Variants in SGMS1 observed in about 807,000 individuals in gnomAD.
SGMS1 encodes the protein sphingomyelin synthase 1.
A neutral mutation model predicts 46.2 loss-of-function variants in SGMS1; 13 were observed. That is an observed-to-expected ratio of 0.28 (90% CI 0.18 to 0.45). The LOEUF (loss-of-function observed/expected upper bound fraction) is 0.45, where lower values mean the gene tolerates loss of function less well. Among genes scored for constraint, SGMS1 ranks in the 20% least tolerant of loss-of-function variants. SGMS1 has a pLI of 1.00. For synonymous variants in SGMS1, 203 were observed against 187.8 expected, an observed-to-expected ratio of 1.08 and a Z score of -0.66; for missense variants, 324 against 519.9, an observed-to-expected ratio of 0.62 and a Z score of 3.66.
chr10:50,484,482 T>C (rs1372866673), intron 3 of SGMS1, among the ~76,000 whole-genome samples: 5 of 152,194 alleles, frequency 3.3e-5, no homozygotes, highest in African/African-American at 1.2e-4. Context: ...GAGGAGCTGG[T>C]AGTATTTCTT....
At chr10:50,403,133 T>C (rs1030597627) in intron 6 of SGMS1, among the ~76,000 whole-genome samples, 1 of 152,246 alleles carries the variant, frequency 6.6e-6, no homozygotes, top group African/African-American at 2.4e-5. Context: ...ATTTTTGATC[T>C]ATTATCTTAA....
intron 1 of SGMS1, among the ~76,000 whole-genome samples, chr10:50,603,336 G>A (rs1281210972): frequency 2.6e-5 from 4 of 152,236 alleles, no homozygotes; most frequent in Admixed American, 6.5e-5. Context: ...GGGCTGAACC[G>A]TGGGTAACAG....
intron 7 of SGMS1, among the ~76,000 whole-genome samples, chr10:50,341,903 T>A (rs1847827050): frequency 1.3e-5 from 2 of 152,202 alleles, no homozygotes; most frequent in African/African-American, 4.8e-5. Context: ...GAGGATACTT[T>A]ATAAGAATAA....
intron 8 of SGMS1, among the ~76,000 whole-genome samples, chr10:50,314,865 G>C (rs187695905): frequency 5.6e-4 from 85 of 152,260 alleles, no homozygotes; most frequent in African/African-American, 1.8e-3. Flanking sequence ...AGGCTACAGT[G>C]AGCTACAATC....
At chr10:50,570,844 G>C (rs1346499660) in intron 2 of SGMS1, among the ~76,000 whole-genome samples, 2 of 152,154 alleles carry the variant, frequency 1.3e-5, no homozygotes, top group Admixed American at 6.5e-5. Context: ...AGGCTGAGGT[G>C]GGGGGATCAC....
rs146133535 is a variant in SGMS1, at chr10:50,518,860, C to T, written c.-498+971G>A. On this transcript the variant is annotated intron_variant, in intron 3 of 10. Transcript: ENST00000361781. ...AATTAAAAGTATGCACTCTGTTCTC[C>T]AAAGGATATCAAAGATGTTCAATTG... is the stretch of plus-strand genomic sequence containing the variant. Among the ~76,000 whole-genome samples, 141 of 152,268 alleles carry T rather than the reference C, an allele frequency of 9.3e-4. 1 individual carries two copies. The highest frequency in any genetic ancestry group is 3.3e-3 in the African/African-American group (138 of 41,540).
intron 8 of SGMS1, among the ~76,000 whole-genome samples, chr10:50,319,226 T>C (rs1847401670): frequency 6.6e-6 from 1 of 151,414 alleles, no homozygotes; most frequent in East Asian, 2.0e-4. Flanking sequence ...TGTGAAAAAG[T>C]AGCAAGTGAG....
intron 6 of SGMS1, among the ~76,000 whole-genome samples, chr10:50,379,426 G>A (rs1848569209): frequency 8.2e-6 from 1 of 122,444 alleles, no homozygotes; most frequent in South Asian, 3.1e-4. Context: ...ACATATATGT[G>A]GGCATATACA....
chr10:50,541,540 T>G (rs1838052507), intron 2 of SGMS1, among the ~76,000 whole-genome samples: 1 of 152,204 alleles, frequency 6.6e-6, no homozygotes, highest in Admixed American at 6.5e-5. Flanking sequence ...GCCCCCTTCC[T>G]GTGTGAATGG....
At chr10:50,456,205 C>CA (rs1342076053) in intron 5 of SGMS1, among the ~76,000 whole-genome samples, 1 of 152,018 alleles carries the variant, frequency 6.6e-6, no homozygotes, top group East Asian at 1.9e-4. Context: ...TTTCTTTCAG[C>CA]AAAAATTTGT....
chr10:50,607,545 T>C (rs920766471), intron 1 of SGMS1, among the ~76,000 whole-genome samples: 2 of 152,214 alleles, frequency 1.3e-5, no homozygotes, highest in African/African-American at 4.8e-5. Flanking sequence ...AGCTCTGTTA[T>C]CTTGAAAGCC....
In SGMS1 at chr10:50,448,908, T is replaced by C. The variant is rs1837063891; in HGVS notation, c.-313+11765A>G. Among the ~76,000 whole-genome samples the C allele has an allele frequency of 6.6e-5, 10 of 152,216 alleles. No individual in the cohort carries two copies. The South Asian group carries it at 2.1e-3, about 32-fold the overall frequency. Reference sequence around the variant, plus strand: ...TTTAAAAATGGGCTGAAGACCTTAATGGAGAAATCACCAAAGAAGACTTAT... The same window carrying C: ...TTTAAAAATGGGCTGAAGACCTTAACGGAGAAATCACCAAAGAAGACTTAT... On this transcript the variant is annotated intron_variant, in intron 5 of 10. Coordinates refer to ENST00000361781, the MANE Select transcript of SGMS1 (RefSeq NM_147156.4).
intron 6 of SGMS1, among the ~76,000 whole-genome samples, chr10:50,418,752 G>T (rs1849216315): frequency 6.6e-6 from 1 of 152,164 alleles, no homozygotes; most frequent in South Asian, 2.1e-4. Flanking sequence ...GCAAAGAGGT[G>T]GGACCTGGTA....
At chr10:50,494,863 T>C (rs9416613) in intron 3 of SGMS1, among the ~76,000 whole-genome samples, 129,611 of 151,100 alleles carry the variant, frequency 0.86, 55,854 homozygotes, top group East Asian at 1. Flanking sequence ...GGTGAAACCC[T>C]GTCTCTACTA....
Position 50,403,720 on chromosome 10 carries a change from C to T in SGMS1, c.-232+29756G>A, listed in dbSNP as rs376910207. Among the ~76,000 whole-genome samples the T allele has an allele frequency of 7.3e-5, 11 of 149,776 alleles. No homozygotes were observed. In the East Asian group the frequency reaches 2.1e-3, roughly 29 times the overall value. ...CTCAATACACTGATGAAGGTTTAGGCAAATACAGAGGGGAAGGACACCAAC... is the reference window on the plus strand; with the variant it reads ...CTCAATACACTGATGAAGGTTTAGGTAAATACAGAGGGGAAGGACACCAAC... On this transcript the variant is annotated intron_variant, in intron 6 of 10. Coordinates refer to ENST00000361781, the MANE Select transcript of SGMS1 (RefSeq NM_147156.4).
chr10:50,357,587 C>A (rs1329551054), intron 6 of SGMS1, among the ~76,000 whole-genome samples: 1 of 152,134 alleles, frequency 6.6e-6, no homozygotes, highest in Non-Finnish European at 1.5e-5. Flanking sequence ...TGTACTCCAA[C>A]CCCAGTGTCT....
intron 9 of SGMS1, among the ~76,000 whole-genome samples, chr10:50,309,441 T>C (rs61858188): frequency 0.23 from 34,232 of 152,136 alleles, 4,421 homozygotes; most frequent in Middle Eastern, 0.32. Context: ...TAGTAAGTGA[T>C]AGTACCAACG....
At chr10:50,341,582 G>T (rs1011703368) in intron 7 of SGMS1, 1 of 371,196 alleles carries the variant, frequency 2.7e-6, no homozygotes, top group Admixed American at 3.2e-5. Flanking sequence ...TATGACAACA[G>T]AAATCATCTA....
At chr10:50,420,073 A>C (rs1334526997) in intron 6 of SGMS1, among the ~76,000 whole-genome samples, 2 of 152,210 alleles carry the variant, frequency 1.3e-5, no homozygotes, top group Admixed American at 1.3e-4. Flanking sequence ...TGGAAACCAA[A>C]CTATGGTCAA....
Sources: allele counts gnomAD v4.1 joint callset (sites outside exome capture counted in the v4.1 genomes callset), GRCh38; gene constraint gnomAD v4.1.1; transcripts MANE v1.5; gene names NCBI Gene and HGNC (gene_info 2026-07-23, HGNC 2026-07-21).